STK38L: variants seen among roughly 807,000 people sequenced by gnomAD.
The protein encoded by STK38L is serine/threonine kinase 38 like, also known as serine/threonine-protein kinase 38-like.
STK38L carries 28 observed loss-of-function variants against 59.7 expected under a neutral mutation model. That is an observed-to-expected ratio of 0.47 (90% CI 0.35 to 0.64). The LOEUF (loss-of-function observed/expected upper bound fraction) is 0.64, where lower values mean the gene tolerates loss of function less well. Ranked by LOEUF, STK38L falls within the 30% of genes least tolerant of loss-of-function variation. The pLI is 0.01. For missense variants in STK38L, 314 were observed against 555.8 expected (o/e 0.56, Z 4.37); for synonymous variants, 162 against 176.8 (o/e 0.92, Z 0.66).
chr12:27,263,119 C>G (rs1378154050), intron 1 of STK38L, among the ~76,000 whole-genome samples: 1 of 152,094 alleles, frequency 6.6e-6, no homozygotes, highest in African/African-American at 2.4e-5. Flanking sequence ...CACTTTGTGT[C>G]TCTCTCACCT....
chr12:27,297,650 A>G, intron 1 of STK38L, 60 bp from the exon 2 acceptor site: 1 of 1,525,654 alleles, frequency 6.6e-7, no homozygotes, highest in South Asian at 1.3e-5. Flanking sequence ...TTCAGAGTTT[A>G]TTATAAAAGA....
At chr12:27,319,590 A>G (rs920103745) in intron 12 of STK38L, among the ~76,000 whole-genome samples, 167 bp downstream of exon 12, 6 of 152,218 alleles carry the variant, frequency 3.9e-5, no homozygotes, top group African/African-American at 1.4e-4. Flanking sequence ...TTGTGGCTAC[A>G]GCTTGATGAC....
At chr12:27,257,316 C>T (rs1424343200) in intron 1 of STK38L, among the ~76,000 whole-genome samples, 6 of 152,198 alleles carry the variant, frequency 3.9e-5, no homozygotes, top group African/African-American at 1.2e-4. Context: ...AGCTGTCCAG[C>T]GCTGCTCTGG....
intron 1 of STK38L, among the ~76,000 whole-genome samples, chr12:27,254,593 A>G (rs1360181820): frequency 6.6e-6 from 1 of 152,198 alleles, no homozygotes; most frequent in Non-Finnish European, 1.5e-5. Context: ...AACAGAATAT[A>G]AAGTTGTTTT....
Position 27,308,601 on chromosome 12 carries a change from G to C in STK38L, c.309+140G>C. On this transcript the variant is annotated intron_variant, in intron 4 of 13. Transcript: ENST00000389032. This position sits in a 1 kb window ranked among gnomAD's most constrained non-coding sequence, Gnocchi z 4.5. ...ATACTTTGGGAGGCCGAGGCGGGTG[G>C]ATCGCCTGAGGTCAGGAGTTCGAGA... 5.6e-6 allele frequency: 5 copies of C among 891,644 alleles called. No homozygotes were observed. Among genetic ancestry groups the C allele is most frequent in the Non-Finnish European group, 7.2e-6 (5 of 693,154 alleles). The allele number at this position is 891,644 out of a possible 1,614,324, so 55.2% of individuals were successfully genotyped here.
chr12:27,277,660 C>A (rs1324119040), intron 1 of STK38L, among the ~76,000 whole-genome samples: 1 of 152,038 alleles, frequency 6.6e-6, no homozygotes, highest in African/African-American at 2.4e-5. Context: ...ATGGAGTTTG[C>A]ATATAATTTT....
intron 1 of STK38L, among the ~76,000 whole-genome samples, chr12:27,256,218 G>T (rs1943089451): frequency 6.6e-6 from 1 of 152,202 alleles, no homozygotes; most frequent in Admixed American, 6.5e-5. Flanking sequence ...CTGCCACAAT[G>T]ACTGTCCTAA....
At chr12:27,301,220 C>T (rs1262483142) in intron 2 of STK38L, among the ~76,000 whole-genome samples, 2 of 152,144 alleles carry the variant, frequency 1.3e-5, no homozygotes, top group East Asian at 3.9e-4. Context: ...CTGGCTGTAC[C>T]TAGAAAAGCA....
At chr12:27,298,901 T>C (rs932680438) in intron 2 of STK38L, among the ~76,000 whole-genome samples, 1 of 152,222 alleles carries the variant, frequency 6.6e-6, no homozygotes, top group African/African-American at 2.4e-5. Flanking sequence ...GCCTTGGATG[T>C]TTTTGAGCAG....
chr12:27,258,888 G>A (rs1943145797), intron 1 of STK38L, among the ~76,000 whole-genome samples: 1 of 152,120 alleles, frequency 6.6e-6, no homozygotes, highest in South Asian at 2.1e-4. Flanking sequence ...TAAGCCCAGT[G>A]AATATTGCAG....
At chr12:27,263,917 T>C (rs1943252724) in intron 1 of STK38L, among the ~76,000 whole-genome samples, 1 of 152,074 alleles carries the variant, frequency 6.6e-6, no homozygotes, top group Non-Finnish European at 1.5e-5. Flanking sequence ...GCTGAAGAAA[T>C]TGTGAAAAGT....
intron 1 of STK38L, among the ~76,000 whole-genome samples, chr12:27,275,799 A>G (rs556541938): frequency 3.8e-4 from 58 of 152,342 alleles, no homozygotes; most frequent in African/African-American, 1.4e-3. Context: ...ACAGTGTACC[A>G]TTATAACATT....
intron 1 of STK38L, among the ~76,000 whole-genome samples, chr12:27,250,248 T>C (rs923291545): frequency 2.6e-5 from 4 of 152,254 alleles, no homozygotes; most frequent in Admixed American, 6.5e-5. Context: ...TCTGCTTTTA[T>C]GAATACGGTT....
chr12:27,313,460 C>G (rs893138878), intron 6 of STK38L, among the ~76,000 whole-genome samples: 1 of 152,070 alleles, frequency 6.6e-6, no homozygotes, highest in Admixed American at 6.5e-5. Flanking sequence ...TGGCTCACTA[C>G]AACCTCTGCC....
chr12:27,262,509 G>A (rs574891366), intron 1 of STK38L, among the ~76,000 whole-genome samples: 7 of 151,976 alleles, frequency 4.6e-5, no homozygotes, highest in Admixed American at 1.3e-4. Flanking sequence ...AAATCATTGA[G>A]TAGTCAATTT....
intron 1 of STK38L, among the ~76,000 whole-genome samples, chr12:27,257,258 A>G (rs1327946447): frequency 6.6e-6 from 1 of 152,156 alleles, no homozygotes; most frequent in Non-Finnish European, 1.5e-5. Context: ...CTTAATGGGG[A>G]GTGTCACTAA....
chr12:27,244,625 G>T (rs992500480), intron 1 of STK38L, among the ~76,000 whole-genome samples: 1 of 152,104 alleles, frequency 6.6e-6, no homozygotes, highest in Non-Finnish European at 1.5e-5. Context: ...ACTCCGCTCC[G>T]GGTCCCCGCC....
chr12:27,264,561 AAAC>A (rs1460366600), intron 1 of STK38L, among the ~76,000 whole-genome samples: 1 of 152,236 alleles, frequency 6.6e-6, no homozygotes. Flanking sequence ...CCACTGATTC[AAAC>A]AACTGTGGAA....
At chr12:27,272,864 A>G (rs1943453639) in intron 1 of STK38L, among the ~76,000 whole-genome samples, 1 of 152,180 alleles carries the variant, frequency 6.6e-6, no homozygotes, top group African/African-American at 2.4e-5. Context: ...GAACAGAAAA[A>G]TGCTCTTTAA....
Sources: gnomAD v4.1 joint callset for allele counts (sites outside exome capture counted in the v4.1 genomes callset) on GRCh38, gnomAD v4.1.1 for gene constraint, Gnocchi (gnomAD v3.1) non-coding constraint, MANE v1.5 for transcripts, NCBI Gene and HGNC (gene_info 2026-07-23, HGNC 2026-07-21) for gene names.